KCNJ15: variants seen among roughly 807,000 people sequenced by gnomAD.
The protein encoded by KCNJ15 is ATP-sensitive inward rectifier potassium channel 15.
In KCNJ15, 14 loss-of-function variants were observed where a neutral mutation model predicts 23.0. The observed-to-expected ratio is 0.61, with a 90% CI of 0.40 to 0.95. KCNJ15 has a LOEUF of 0.95. Ranked by LOEUF, KCNJ15 falls within the 40% of genes least tolerant of loss-of-function variation. KCNJ15 has a pLI of 0.00. For synonymous variants in KCNJ15, 185 were observed against 183.2 expected, an observed-to-expected ratio of 1.01 and a Z score of -0.08; for missense variants, 388 against 461.8, an observed-to-expected ratio of 0.84 and a Z score of 1.46.
chr21:38,247,395 T>TGG (rs1979494084), intron 1 of KCNJ15, among the ~76,000 whole-genome samples: 1 of 150,704 alleles, frequency 6.6e-6, no homozygotes, highest in African/African-American at 2.4e-5. Context: ...GATGTATGGA[T>TGG]AAACGGATGG....
upstream of KCNJ15, among the ~76,000 whole-genome samples, chr21:38,255,839 C>G (rs1200387488): frequency 2.0e-5 from 3 of 152,168 alleles, no homozygotes. Context: ...CCAACAGAAG[C>G]AAAGTGTTCC....
intron 2 of KCNJ15, among the ~76,000 whole-genome samples, chr21:38,297,828 G>C (rs564461524): frequency 4.6e-4 from 70 of 152,164 alleles, no homozygotes; most frequent in Non-Finnish European, 7.8e-4. Flanking sequence ...ATTACAAGGG[G>C]GCATTTAGTA....
intron 1 of KCNJ15, among the ~76,000 whole-genome samples, chr21:38,270,901 A>G (rs1982005900): frequency 6.6e-6 from 1 of 152,240 alleles, no homozygotes. Context: ...TCAATGTAGA[A>G]TTCCCTATAC....
intron 1 of KCNJ15, among the ~76,000 whole-genome samples, chr21:38,287,810 A>G (rs1244716398): frequency 6.6e-6 from 1 of 152,104 alleles, no homozygotes. Flanking sequence ...GAAATTTTGT[A>G]TTATCATTCA....
chr21:38,266,925 T>C (rs572419499), intron 1 of KCNJ15, among the ~76,000 whole-genome samples: 13 of 152,306 alleles, frequency 8.5e-5, no homozygotes, highest in Admixed American at 3.9e-4. Context: ...GAGTTAAACA[T>C]AGGCAATGAG....
chr21:38,243,435 G>C (rs147642294), intron 1 of KCNJ15, among the ~76,000 whole-genome samples: 13 of 144,098 alleles, frequency 9.0e-5, no homozygotes, highest in African/African-American at 2.2e-4. Context: ...TGAGTTTCGC[G>C]GCCATACTTT....
At chr21:38,280,151 GTTT>G (rs1355746938) in intron 1 of KCNJ15, among the ~76,000 whole-genome samples, 4 of 152,190 alleles carry the variant, frequency 2.6e-5, no homozygotes, top group Non-Finnish European at 5.9e-5. Flanking sequence ...CTGCGGACTA[GTTT>G]CAGAGGAAGC....
In KCNJ15 at chr21:38,299,215, T is replaced by C. The variant is rs374635396; in HGVS notation, c.-18-29T>C. 5 of 1,523,134 alleles carry C rather than the reference T, an allele frequency of 3.3e-6. No individual in the cohort carries two copies. Among genetic ancestry groups the C allele is most frequent in the African/African-American group, 1.4e-5 (1 of 72,688 alleles). 94.4% of individuals were successfully genotyped at this position (1,523,134 alleles called of 1,614,324 possible). The stretch of plus-strand genomic sequence containing the variant: ...CTGGAAGTTCCACCACATATGGCGA[T>C]AATGAAACATCTTTGTCATTTCTCT... On this transcript the variant is annotated intron_variant, in intron 2 of 2. Coordinates refer to ENST00000398938, the MANE Select transcript of KCNJ15 (RefSeq NM_170736.3). The surrounding 1 kb of genome is among the most constrained non-coding windows in gnomAD (Gnocchi z 4.5).
chr21:38,231,189 T>A (rs1231665377), intron 1 of KCNJ15, among the ~76,000 whole-genome samples: 1 of 152,048 alleles, frequency 6.6e-6, no homozygotes, highest in Admixed American at 6.5e-5. Context: ...TGTTCCCAAG[T>A]ATCTTATTCT....
chr21:38,278,173 A>C (rs1233540777), intron 1 of KCNJ15, among the ~76,000 whole-genome samples: 1 of 152,172 alleles, frequency 6.6e-6, no homozygotes, highest in Admixed American at 6.5e-5. Context: ...GGAAGATTCC[A>C]AGTTTCCTTT....
At chr21:38,280,176 T>A (rs1983168299) in intron 1 of KCNJ15, among the ~76,000 whole-genome samples, 1 of 152,196 alleles carries the variant, frequency 6.6e-6, no homozygotes, top group African/African-American at 2.4e-5. Context: ...CCTGTCTAAC[T>A]TAACCAGGGA....
At chr21:38,286,230 G>A (rs551564192) in intron 1 of KCNJ15, among the ~76,000 whole-genome samples, 4 of 152,224 alleles carry the variant, frequency 2.6e-5, no homozygotes, top group South Asian at 2.1e-4. Context: ...GTGACAGAGC[G>A]AGACTCCGTC....
intron 1 of KCNJ15, among the ~76,000 whole-genome samples, chr21:38,274,100 A>G (rs1457704604): frequency 3.3e-5 from 5 of 152,166 alleles, no homozygotes; most frequent in Non-Finnish European, 7.4e-5. Context: ...TGCCAATCCC[A>G]ACTCTGGGCA....
intron 1 of KCNJ15, among the ~76,000 whole-genome samples, chr21:38,275,095 A>G (rs899798664): frequency 1.3e-5 from 2 of 151,450 alleles, no homozygotes; most frequent in Non-Finnish European, 2.9e-5. Flanking sequence ...AGTCCTTTCC[A>G]CTCCTGTTCA....
chr21:38,273,840 A>T (rs1423751343), intron 1 of KCNJ15, among the ~76,000 whole-genome samples: 2 of 152,240 alleles, frequency 1.3e-5, no homozygotes, highest in East Asian at 3.8e-4. Context: ...AGGTCATTTC[A>T]TCCAACCCTC....
upstream of KCNJ15, among the ~76,000 whole-genome samples, chr21:38,255,458 C>T (rs997123716): frequency 6.6e-6 from 1 of 152,194 alleles, no homozygotes; most frequent in Non-Finnish European, 1.5e-5. Context: ...AAGTCCAAAT[C>T]TCGTGTAGCT....
chr21:38,300,120 G>A lies in KCNJ15; in HGVS notation c.859G>A (p.Val287Met), dbSNP rs1364362149. 1.9e-6 allele frequency: 3 copies of A among 1,614,180 alleles called. No individual in the cohort carries two copies. Among genetic ancestry groups the A allele is most frequent in the Non-Finnish European group, 2.5e-6 (3 of 1,180,028 alleles). Residue 287 changes from valine (V) to methionine (M), a missense_variant, in exon 3 of 3, where the codon GTG becomes ATG. Transcript: ENST00000398938. The stretch of plus-strand genomic sequence containing the variant: ...GCTTGTGGTCCTCCTCAATGCCACT[G>A]TGGAATCCACCAGCGCTGTCTGCCA... Reference protein sequence around the residue: ...FELVVLLNATVESTSAVCQSR... With the variant: ...FELVVLLNATMESTSAVCQSR...
chr21:38,263,369 G>T (rs984148347), intron 1 of KCNJ15, among the ~76,000 whole-genome samples: 1 of 152,138 alleles, frequency 6.6e-6, no homozygotes, highest in Non-Finnish European at 1.5e-5. Context: ...CTGCTGGTGA[G>T]CGGAGTCCTG....
At chr21:38,230,935 CCAT>C (rs1275167312) in intron 1 of KCNJ15, among the ~76,000 whole-genome samples, 1 of 152,024 alleles carries the variant, frequency 6.6e-6, no homozygotes, top group African/African-American at 2.4e-5. Context: ...TCTAGAATCA[CCAT>C]GTCAGTTTCT....
Sources: gnomAD v4.1 joint callset for allele counts (sites outside exome capture counted in the v4.1 genomes callset) on GRCh38, gnomAD v4.1.1 for gene constraint, Gnocchi (gnomAD v3.1) non-coding constraint, MANE v1.5 for transcripts, NCBI Gene and HGNC (gene_info 2026-07-23, HGNC 2026-07-21) for gene names.